DNPEP: variants seen among roughly 807,000 people sequenced by gnomAD.
DNPEP encodes aspartyl aminopeptidase.
A neutral mutation model predicts 59.1 loss-of-function variants in DNPEP; 46 were observed. The observed-to-expected ratio is 0.78, with a 90% CI of 0.61 to 0.99. The LOEUF is 0.99. DNPEP is among the 50% of genes least tolerant of loss of function. The pLI is 0.00. For missense variants in DNPEP, 617 were observed against 649.9 expected (o/e 0.95, Z 0.55); for synonymous variants, 229 against 242.2 (o/e 0.95, Z 0.50).
chr2:219,387,697 C>T, intron 1 of DNPEP, 62 bp downstream of exon 1: 1 of 1,603,072 alleles, frequency 6.2e-7, no homozygotes, highest in South Asian at 1.1e-5. Flanking sequence ...AGCTTGGGCC[C>T]CGGAGGGCGC....
At chr2:219,385,013 A>C (rs984868203) in intron 8 of DNPEP, 7 of 175,250 alleles carry the variant, frequency 4.0e-5, no homozygotes, top group African/African-American at 1.7e-4. Context: ...CAGCCAAAAA[A>C]CAGAAACTTA....
At chr2:219,387,541 C>T (rs1315197047) in intron 1 of DNPEP, 5 of 1,438,970 alleles carry the variant, frequency 3.5e-6, no homozygotes, top group Admixed American at 2.7e-5. Context: ...AGCCCTGTAC[C>T]CCAAGGAGCA....
At chr2:219,375,112 G>A (rs886481876) in intron 13 of DNPEP, 90 bp from the exon 14 acceptor site, 7 of 1,388,446 alleles carry the variant, frequency 5.0e-6, no homozygotes, top group Non-Finnish European at 7.0e-6. Context: ...GGGTGGGAAG[G>A]GGCCTGGGAG....
intron 1 of DNPEP, chr2:219,399,828 G>A: frequency 6.5e-7 from 1 of 1,528,430 alleles, no homozygotes; most frequent in African/African-American, 1.4e-5. Context: ...GAACGTGTCT[G>A]CACTGGCTGG....
intron 1 of DNPEP, among the ~76,000 whole-genome samples, chr2:219,394,178 T>C (rs909554506): frequency 2.0e-4 from 31 of 152,218 alleles, no homozygotes; most frequent in Non-Finnish European, 4.4e-4. Context: ...TTGTAAATCC[T>C]CTAGAATGAG....
chr2:219,387,015 CTGG>C, intron 2 of DNPEP, 35 bp from the exon 3 acceptor site: 1 of 1,613,656 alleles, frequency 6.2e-7, no homozygotes. Flanking sequence ...GCGATGGAAG[CTGG>C]TGAAGGGCGC....
At chr2:219,387,703 G>A (rs1953910521) in intron 1 of DNPEP, 56 bp downstream of exon 1, 4 of 1,605,220 alleles carry the variant, frequency 2.5e-6, no homozygotes, top group Non-Finnish European at 3.4e-6. Flanking sequence ...GGCCCCGGAG[G>A]GCGCCGGACC....
Position 219,384,438 on chromosome 2 carries a change from C to G in DNPEP, c.780G>C (p.Leu260Phe), listed in dbSNP as rs374335152. Reference protein sequence around the residue: ...LCLADTQPAVLGGAYDEFIFA... With the variant: ...LCLADTQPAVFGGAYDEFIFA... The stretch of plus-strand genomic sequence containing the variant: ...AGATGAACTCATCATAGGCACCACC[C>G]AAGACCTAGAGAGGTAAGACAGTCA... Residue 260 changes from leucine to phenylalanine, a missense_variant, in exon 9 of 15, where the codon TTG becomes TTC. Transcript: ENST00000273075. The G allele has an allele frequency of 2.0e-5, 32 of 1,610,210 alleles. No homozygotes were observed. The African/African-American group carries it at 4.0e-4, about 20-fold the overall frequency.
At chr2:219,387,737 G>A in intron 1 of DNPEP, 22 bp downstream of exon 1, 1 of 1,607,792 alleles carries the variant, frequency 6.2e-7, no homozygotes, top group African/African-American at 1.3e-5. Flanking sequence ...AAATTCAAGT[G>A]GGGCCGTCGG....
intron 6 of DNPEP, 47 bp from the exon 7 acceptor site, chr2:219,385,753 T>C: frequency 6.6e-7 from 1 of 1,524,624 alleles, no homozygotes; most frequent in Non-Finnish European, 8.9e-7. Context: ...AGGGCACAGC[T>C]GAGTGCGGCA....
At chr2:219,398,599 G>A (rs952828769) in intron 1 of DNPEP, among the ~76,000 whole-genome samples, 2 of 151,922 alleles carry the variant, frequency 1.3e-5, no homozygotes, top group South Asian at 4.1e-4. Flanking sequence ...GCAGTGAGCC[G>A]AGATTGCACC....
At chr2:219,387,243 C>A in intron 1 of DNPEP, 80 bp from the exon 2 acceptor site, 1 of 1,526,852 alleles carries the variant, frequency 6.5e-7, no homozygotes, top group South Asian at 1.2e-5. Flanking sequence ...TTCTCCCATC[C>A]CCACCCCCAG....
Position 219,384,416 on chromosome 2 carries a change from T to G in DNPEP, c.802A>C (p.Ile268Leu). ...AVLGGAYDEF[I>L]FAPRLDNLHS... ...AGATTGTCCAGCCGAGGAGCAAAGA[T>G]GAACTCATCATAGGCACCACCCAAG... Residue 268 changes from isoleucine to leucine, a missense_variant, in exon 9 of 15, where the codon ATC (isoleucine) becomes CTC (leucine). By Grantham distance (5) the Ile-to-Leu change is conservative. Coordinates refer to ENST00000273075, the MANE Select transcript of DNPEP (RefSeq NM_012100.4). 2 of 1,612,002 alleles carry G rather than the reference T, an allele frequency of 1.2e-6. No homozygotes were observed. Among genetic ancestry groups the G allele is most frequent in the Non-Finnish European group, 8.5e-7 (1 of 1,179,052 alleles).
intron 1 of DNPEP, chr2:219,387,372 CCG>C: frequency 6.9e-7 from 1 of 1,441,940 alleles, no homozygotes. Flanking sequence ...TGAGCCAGGC[CCG>C]CCCCTTAATC....
At chr2:219,385,116 C>T in intron 8 of DNPEP, 1 of 297,596 alleles carries the variant, frequency 3.4e-6, no homozygotes, top group Non-Finnish European at 6.3e-6. Flanking sequence ...ACATCCAGGC[C>T]TCTTTCCCTA....
chr2:219,381,258 G>T (rs1407131477), intron 13 of DNPEP, 77 bp downstream of exon 13: 13 of 1,325,714 alleles, frequency 9.8e-6, no homozygotes, highest in Non-Finnish European at 1.3e-5. Context: ...CAGGTTCCCT[G>T]TTCATGGGGG....
At chr2:219,388,079 C>G, upstream of DNPEP, 1 of 461,690 alleles carries the variant, frequency 2.2e-6, no homozygotes, top group Non-Finnish European at 3.2e-6. Flanking sequence ...CTTGCCCCGC[C>G]CCTAGCTTGG....
In DNPEP at chr2:219,374,142, G is replaced by A; in HGVS notation, c.*150C>T. On this transcript the variant is annotated 3_prime_UTR_variant, in exon 15 of 15. Transcript: ENST00000273075. ...AACTTTTCTGGTTCCAAAGGTTCAAGCCAGGCTCAACTCCCACTCCTCTAG... is the reference window on the plus strand; with the variant it reads ...AACTTTTCTGGTTCCAAAGGTTCAAACCAGGCTCAACTCCCACTCCTCTAG... The A allele has an allele frequency of 2.6e-6, 2 of 758,880 alleles. No individual in the cohort carries two copies. Among genetic ancestry groups the A allele is most frequent in the Non-Finnish European group, 2.2e-6 (1 of 462,864 alleles). The allele number at this position is 758,880 out of a possible 1,614,324, so 47.0% of individuals were successfully genotyped here.
Position 219,387,791 on chromosome 2 carries a change from T to C in DNPEP, c.4A>G (p.Ser2Gly), listed in dbSNP as rs1202667879. MSGHSPTRGAMQ... is the reference protein window; with the variant it reads MGGHSPTRGAMQ... Reference sequence around the variant, plus strand: ...GCCCCGCGCGTGGGGCTGTGTCCGCTCATCTGGCCTCCGGGCTCGGCCCGC... The same window carrying C: ...GCCCCGCGCGTGGGGCTGTGTCCGCCCATCTGGCCTCCGGGCTCGGCCCGC... The change falls in exon 1 of 15, where the codon AGC becomes GGC. Residue 2 changes from serine (S) to glycine (G), a missense_variant. Transcript: ENST00000273075. 6.3e-7 allele frequency: 1 copy of C among 1,594,050 alleles called. No homozygotes were observed. Among genetic ancestry groups the C allele is most frequent in the Non-Finnish European group, 8.5e-7 (1 of 1,171,522 alleles).
Sources: allele counts gnomAD v4.1 joint callset (sites outside exome capture counted in the v4.1 genomes callset), GRCh38; gene constraint gnomAD v4.1.1; transcripts MANE v1.5; gene names NCBI Gene and HGNC (gene_info 2026-07-23, HGNC 2026-07-21).